Variants in PREX1 observed in about 807,000 individuals in gnomAD.
The protein encoded by PREX1 is phosphatidylinositol 3,4,5-trisphosphate-dependent Rac exchanger 1 protein.
A neutral mutation model predicts 198.3 loss-of-function variants in PREX1; 41 were observed. The observed-to-expected ratio is 0.21, with a 90% CI of 0.16 to 0.27. PREX1 has a LOEUF of 0.27. PREX1 is among the 10% of genes least tolerant of loss of function. The probability of loss-of-function intolerance (pLI) is 1.00; values close to 1 mark genes in which losing one functional copy is unlikely to be tolerated. For missense variants in PREX1, 1,620 were observed against 2,200.7 expected (o/e 0.74, Z 5.28); for synonymous variants, 843 against 887.2 (o/e 0.95, Z 0.89).
the PREX1 span, among the ~76,000 whole-genome samples, chr20:48,881,086 C>T: frequency 2.0e-5 from 3 of 147,140 alleles, no homozygotes; most frequent in East Asian, 2.0e-4. Flanking sequence ...GACATGTGGA[C>T]GATATCCTCA....
At chr20:48,850,724 A>G in the PREX1 span, among the ~76,000 whole-genome samples, 1 of 152,336 alleles carries the variant, frequency 6.6e-6, no homozygotes, top group South Asian at 2.1e-4. Flanking sequence ...AATGGGAGCC[A>G]AGAGCCCGGC....
intron 1 of PREX1, among the ~76,000 whole-genome samples, chr20:48,793,928 T>C (rs1157083958): frequency 2.0e-5 from 3 of 152,198 alleles, no homozygotes; most frequent in African/African-American, 7.2e-5. Context: ...CTGGCTCAGA[T>C]GTCAAAGCAA....
Position 48,665,153 on chromosome 20 carries a change from C to T in PREX1, c.1738+1130G>A, listed in dbSNP as rs529072657. Among the ~76,000 whole-genome samples, 528 of 138,234 alleles carry T rather than the reference C, an allele frequency of 3.8e-3. 1 individual carries two copies. Among genetic ancestry groups the T allele is most frequent in the Non-Finnish European group, 5.5e-3 (353 of 63,632 alleles). 90.7% of individuals were successfully genotyped at this position (138,234 alleles called of 152,430 possible). A position where few individuals can be genotyped will look rare whatever the true frequency, so the allele number is the denominator to read the frequency against. On this transcript the variant is annotated intron_variant, in intron 15 of 39. Coordinates refer to ENST00000371941, the MANE Select transcript of PREX1 (RefSeq NM_020820.4). ...AGACGGCCTGAATTCTAATCCCGGC[C>T]CCAGACGGCCTGAATTATAATCCTA...
chr20:48,743,318 T>G (rs927716829), intron 3 of PREX1, among the ~76,000 whole-genome samples: 1 of 152,190 alleles, frequency 6.6e-6, no homozygotes, highest in African/African-American at 2.4e-5. Context: ...CATTTTCCTA[T>G]TCAAACACCT....
At chr20:48,697,311 C>T (rs945050575) in intron 7 of PREX1, among the ~76,000 whole-genome samples, 4 of 151,998 alleles carry the variant, frequency 2.6e-5, no homozygotes, top group Non-Finnish European at 4.4e-5. Flanking sequence ...AAAAGACAGG[C>T]GCAAACAGCT....
At chr20:48,743,239 T>C (rs1466606568) in intron 3 of PREX1, among the ~76,000 whole-genome samples, 3 of 152,188 alleles carry the variant, frequency 2.0e-5, no homozygotes, top group Admixed American at 6.5e-5. Context: ...CGTTGGCTGT[T>C]GGCTCCAGAG....
intron 15 of PREX1, among the ~76,000 whole-genome samples, chr20:48,662,788 G>T (rs2089606861): frequency 6.6e-6 from 1 of 152,184 alleles, no homozygotes; most frequent in African/African-American, 2.4e-5. Flanking sequence ...TCGTGGCAGG[G>T]AACAGAGGAG....
chr20:48,763,073 C>T (rs1297757434), intron 1 of PREX1, among the ~76,000 whole-genome samples: 1 of 152,218 alleles, frequency 6.6e-6, no homozygotes, highest in Admixed American at 6.5e-5. Flanking sequence ...TATGAATATA[C>T]CGAAAACCAT....
In PREX1 at chr20:48,802,226, G is replaced by A. The variant is rs577778282; in HGVS notation, c.219+25416C>T. Among the ~76,000 whole-genome samples the A allele has an allele frequency of 4.2e-4, 63 of 151,482 alleles. 1 individual carries two copies. In the South Asian group the frequency reaches 0.013, roughly 30 times the overall value. The stretch of plus-strand genomic sequence containing the variant: ...AAAAGGTAAGTCATTCACTGTCACT[G>A]CCTGGCCTAATGCTCCTACAGCTTC... On this transcript the variant is annotated intron_variant, in intron 1 of 39. Transcript: ENST00000371941.
At chr20:48,739,821 C>G (rs1232463662) in intron 3 of PREX1, among the ~76,000 whole-genome samples, 1 of 152,198 alleles carries the variant, frequency 6.6e-6, no homozygotes, top group Admixed American at 6.5e-5. Flanking sequence ...TGTAAGCTTG[C>G]CCTATAACTT....
chr20:48,670,099 C>T (rs1003420269), intron 14 of PREX1, among the ~76,000 whole-genome samples: 5 of 152,204 alleles, frequency 3.3e-5, no homozygotes, highest in African/African-American at 1.2e-4. Context: ...GTTGCTCAAG[C>T]TTACACAGTA....
intron 1 of PREX1, among the ~76,000 whole-genome samples, chr20:48,762,947 C>A (rs150701415): frequency 6.6e-6 from 1 of 152,328 alleles, no homozygotes; most frequent in East Asian, 1.9e-4. Flanking sequence ...AGGTGATGCA[C>A]CTGCCTTGGC....
chr20:48,792,299 G>A (rs957950652), intron 1 of PREX1, among the ~76,000 whole-genome samples: 4 of 151,810 alleles, frequency 2.6e-5, no homozygotes, highest in South Asian at 2.1e-4. Flanking sequence ...GGAGAAACCC[G>A]GTCTCTACTA....
At chr20:48,688,879 G>T (rs2089801102) in intron 9 of PREX1, 75 bp from the exon 10 acceptor site, 1 of 1,570,928 alleles carries the variant, frequency 6.4e-7, no homozygotes, top group Non-Finnish European at 8.7e-7. Flanking sequence ...ACAAGGGGCA[G>T]GCCCACAGCT....
intron 5 of PREX1, among the ~76,000 whole-genome samples, chr20:48,708,882 G>A (rs1308498294): frequency 1.3e-5 from 2 of 152,090 alleles, no homozygotes; most frequent in Admixed American, 6.5e-5. Flanking sequence ...AGAGATCCGC[G>A]GTCACAGAGG....
chr20:48,755,007 G>A (rs1051796839), intron 1 of PREX1, among the ~76,000 whole-genome samples: 2 of 152,072 alleles, frequency 1.3e-5, no homozygotes, highest in South Asian at 4.1e-4. Context: ...TCCTACAGGG[G>A]AAAATAAATC....
At chr20:48,822,437 T>C (rs2090490347) in intron 1 of PREX1, among the ~76,000 whole-genome samples, 1 of 152,240 alleles carries the variant, frequency 6.6e-6, no homozygotes, top group Non-Finnish European at 1.5e-5. Context: ...ACTTGGCCTC[T>C]CTGTGTCTTT....
chr20:48,677,467 T>G (rs773438622), intron 13 of PREX1, among the ~76,000 whole-genome samples: 9 of 152,170 alleles, frequency 5.9e-5, no homozygotes, highest in Non-Finnish European at 1.2e-4. Flanking sequence ...GTAAAAAGAA[T>G]AACCAATCTC....
chr20:48,661,527 A>AT (rs1555832851), intron 15 of PREX1, among the ~76,000 whole-genome samples: 2 of 121,238 alleles, frequency 1.6e-5, no homozygotes, highest in Admixed American at 1.8e-4. Context: ...AATATATATA[A>AT]TGTGTGTGTG....
Sources: allele counts gnomAD v4.1 joint callset (sites outside exome capture counted in the v4.1 genomes callset), GRCh38; gene constraint gnomAD v4.1.1; transcripts MANE v1.5; gene names NCBI Gene and HGNC (gene_info 2026-07-23, HGNC 2026-07-21).